Variants in SLC35F4 observed in about 807,000 individuals in gnomAD.
The protein encoded by SLC35F4 is chromosome 14 open reading frame 36.
SLC35F4 carries 24 observed loss-of-function variants against 44.2 expected under a neutral mutation model. The observed-to-expected ratio is 0.54, with a 90% CI of 0.39 to 0.76. SLC35F4 has a LOEUF of 0.76. SLC35F4 is among the 30% of genes least tolerant of loss of function. SLC35F4 has a pLI of 0.00. For synonymous variants in SLC35F4, 238 were observed against 223.6 expected, an observed-to-expected ratio of 1.06 and a Z score of -0.57; for missense variants, 562 against 586.1, an observed-to-expected ratio of 0.96 and a Z score of 0.42.
intron 1 of SLC35F4, among the ~76,000 whole-genome samples, chr14:57,751,965 T>C (rs2076895141): frequency 6.6e-6 from 1 of 152,076 alleles, no homozygotes; most frequent in Non-Finnish European, 1.5e-5. Flanking sequence ...TGTGTATTTT[T>C]TCCCCACAAC....
intron 1 of SLC35F4, among the ~76,000 whole-genome samples, chr14:57,701,503 GTATGT>G: frequency 6.6e-6 from 1 of 152,214 alleles, no homozygotes; most frequent in South Asian, 2.1e-4. Context: ...ATACATAATT[GTATGT>G]TATATTTTTA....
At chr14:57,758,757 G>A (rs1375698491) in intron 1 of SLC35F4, among the ~76,000 whole-genome samples, 1 of 151,954 alleles carries the variant, frequency 6.6e-6, no homozygotes, top group East Asian at 1.9e-4. Context: ...TTCTTTTACT[G>A]TAAAAACCCT....
At chr14:57,844,349 G>A (rs115351364) in intron 1 of SLC35F4, among the ~76,000 whole-genome samples, 1,892 of 152,258 alleles carry the variant, frequency 0.012, 40 homozygotes, top group African/African-American at 0.041. Context: ...TGAATAACAC[G>A]GGGCAAGACT....
At chr14:57,809,559 T>C (rs1197041569) in intron 1 of SLC35F4, among the ~76,000 whole-genome samples, 2 of 152,250 alleles carry the variant, frequency 1.3e-5, no homozygotes, top group African/African-American at 2.4e-5. Flanking sequence ...CATTGGACCA[T>C]AGTGTGAAGT....
intron 3 of SLC35F4, among the ~76,000 whole-genome samples, chr14:57,588,768 G>T (rs990925685): frequency 2.6e-5 from 4 of 152,172 alleles, no homozygotes; most frequent in African/African-American, 9.7e-5. Context: ...TTGAGCAAAT[G>T]TTTGTGTAAC....
At chr14:57,971,692 T>C (rs1184824029) in intron 1 of SLC35F4, among the ~76,000 whole-genome samples, 1 of 152,144 alleles carries the variant, frequency 6.6e-6, no homozygotes, top group Non-Finnish European at 1.5e-5. Context: ...CTAAAAAAAT[T>C]GAACTCATAG....
At chr14:57,679,786 A>C (rs1166883976) in intron 1 of SLC35F4, among the ~76,000 whole-genome samples, 1 of 152,082 alleles carries the variant, frequency 6.6e-6, no homozygotes, top group Non-Finnish European at 1.5e-5. Context: ...GAAATGGATA[A>C]ATTCCTAGAC....
At chr14:57,648,944 C>G (rs1425666611) in intron 1 of SLC35F4, among the ~76,000 whole-genome samples, 2 of 152,206 alleles carry the variant, frequency 1.3e-5, no homozygotes, top group African/African-American at 4.8e-5. Flanking sequence ...CTCACTCACT[C>G]TGCTTCAGTT....
At chr14:57,958,570 A>G (rs1476821404) in intron 1 of SLC35F4, among the ~76,000 whole-genome samples, 1 of 151,610 alleles carries the variant, frequency 6.6e-6, no homozygotes, top group Non-Finnish European at 1.5e-5. Context: ...TTCTAGAATT[A>G]GGTGGTGGTG....
chr14:57,608,183 G>A (rs1259838189), intron 1 of SLC35F4, among the ~76,000 whole-genome samples: 3 of 152,090 alleles, frequency 2.0e-5, no homozygotes, highest in Non-Finnish European at 4.4e-5. Context: ...TATGGGAGGG[G>A]TTATATGTTG....
At chr14:57,691,567 T>C (rs1219922665) in intron 1 of SLC35F4, among the ~76,000 whole-genome samples, 2 of 152,216 alleles carry the variant, frequency 1.3e-5, no homozygotes, top group Admixed American at 1.3e-4. Context: ...ATTATAGTCA[T>C]TTATGTGAAC....
intron 1 of SLC35F4, among the ~76,000 whole-genome samples, chr14:57,659,016 T>C (rs2074054945): frequency 6.6e-6 from 1 of 152,012 alleles, no homozygotes; most frequent in South Asian, 2.1e-4. Flanking sequence ...GAAAATAAGG[T>C]TGGCTGGGCT....
chr14:57,620,755 G>A (rs190716360), intron 1 of SLC35F4, among the ~76,000 whole-genome samples: 185 of 152,160 alleles, frequency 1.2e-3, no homozygotes, highest in Non-Finnish European at 2.2e-3. Context: ...TTTGTCAAAG[G>A]CAAGACAGGG....
intron 1 of SLC35F4, among the ~76,000 whole-genome samples, chr14:57,963,849 T>C (rs989971858): frequency 1.3e-5 from 2 of 151,162 alleles, no homozygotes; most frequent in Non-Finnish European, 2.9e-5. Flanking sequence ...CAGTCTCACA[T>C]GTAGCTGAGA....
chr14:57,665,293 C>T (rs145718333), intron 1 of SLC35F4, among the ~76,000 whole-genome samples: 1 of 152,270 alleles, frequency 6.6e-6, no homozygotes, highest in African/African-American at 2.4e-5. Context: ...GGGTGACATG[C>T]ACCACAACCC....
At chr14:57,891,063 A>G (rs901930137) in intron 1 of SLC35F4, among the ~76,000 whole-genome samples, 6 of 152,220 alleles carry the variant, frequency 3.9e-5, no homozygotes, top group African/African-American at 9.6e-5. Context: ...GAGCAGAGTC[A>G]GAGGAATGGA....
At chr14:57,965,949 G>T (rs1468667514) in intron 1 of SLC35F4, among the ~76,000 whole-genome samples, 3 of 152,190 alleles carry the variant, frequency 2.0e-5, no homozygotes, top group Non-Finnish European at 4.4e-5. Flanking sequence ...CCAACGAAAA[G>T]GACAGAGCAG....
chr14:57,775,515 T>C (rs1449414927), intron 1 of SLC35F4, among the ~76,000 whole-genome samples: 1 of 152,224 alleles, frequency 6.6e-6, no homozygotes, highest in Non-Finnish European at 1.5e-5. Context: ...AATTACAATA[T>C]GCAGTCTAGG....
intron 1 of SLC35F4, among the ~76,000 whole-genome samples, chr14:57,865,242 C>A (rs1888040498): frequency 6.6e-6 from 1 of 152,158 alleles, no homozygotes; most frequent in Non-Finnish European, 1.5e-5. Flanking sequence ...ACCCCACCAG[C>A]GCCGGGACCC....
Sources: allele counts gnomAD v4.1 joint callset (sites outside exome capture counted in the v4.1 genomes callset), GRCh38; gene constraint gnomAD v4.1.1; transcripts MANE v1.5; gene names NCBI Gene and HGNC (gene_info 2026-07-23, HGNC 2026-07-21).